The following VWA5B1 variants were observed in gnomAD, a reference collection of about 807,000 sequenced individuals.
VWA5B1 encodes von Willebrand factor A domain containing 5B1, also known as von Willebrand factor A domain-containing protein 5B1.
Under a neutral mutation model 118.2 loss-of-function variants are expected in VWA5B1, and 115 were observed. That is an observed-to-expected ratio of 0.97 (90% confidence interval 0.84 to 1.14). The LOEUF is 1.14. Ranked by LOEUF, VWA5B1 falls within the 50% of genes most tolerant of loss-of-function variation. The pLI is 0.00. For missense variants in VWA5B1, 1,596 were observed against 1,603.8 expected (o/e 1.00, Z 0.08); for synonymous variants, 682 against 658.4 (o/e 1.04, Z -0.55).
intron 11 of VWA5B1, among the ~76,000 whole-genome samples, chr1:20,331,736 G>C (rs2089560876): frequency 6.6e-6 from 1 of 152,056 alleles, no homozygotes; most frequent in Non-Finnish European, 1.5e-5. Context: ...GGCTTCCAGG[G>C]AGAGAGATGG....
intron 12 of VWA5B1, among the ~76,000 whole-genome samples, chr1:20,334,532 C>T (rs953766498): frequency 3.9e-5 from 6 of 152,162 alleles, no homozygotes; most frequent in African/African-American, 7.2e-5. Flanking sequence ...AGAGATAGGC[C>T]GGGCACGATG....
rs2088297636 is a variant in VWA5B1 at position 20,291,359 on chromosome 1, T to TCTCTCTCTCTCTCTC, written c.-27+271_-27+272insCTCTCTCTCTCTCTC. On this transcript the variant is annotated intron_variant, in intron 1 of 21. Transcript: ENST00000289815. ...TCTCTCTCTTTCTTTCTTTCTTTCT[T>TCTCTCTCTCTCTCTC]TCTCTCTCTCTCTCTCTCTCTCTCT... Among the ~76,000 whole-genome samples, 53 of 103,400 alleles carry TCTCTCTCTCTCTCTC rather than the reference T, an allele frequency of 5.1e-4. 1 individual carries two copies. The highest frequency in any genetic ancestry group is 8.6e-4 in the Non-Finnish European group (42 of 48,878). 67.8% of individuals were successfully genotyped at this position (103,400 alleles called of 152,430 possible). A position where few individuals can be genotyped will look rare whatever the true frequency, so the allele number is the denominator to read the frequency against.
chr1:20,310,066 G>A (rs1330863709), intron 1 of VWA5B1, among the ~76,000 whole-genome samples: 1 of 151,940 alleles, frequency 6.6e-6, no homozygotes, highest in Non-Finnish European at 1.5e-5. Flanking sequence ...GACTATTGGG[G>A]TTGGCCCTCA....
chr1:20,333,431 C>T (rs996926343), intron 12 of VWA5B1, among the ~76,000 whole-genome samples: 1 of 152,154 alleles, frequency 6.6e-6, no homozygotes, highest in Non-Finnish European at 1.5e-5. Context: ...GAGCTAAGAT[C>T]GTGCCATTGC....
intron 16 of VWA5B1, among the ~76,000 whole-genome samples, chr1:20,343,852 A>G (rs1557443230): frequency 2.0e-5 from 1 of 50,502 alleles, no homozygotes; most frequent in Non-Finnish European, 3.6e-5. Flanking sequence ...CTGCCCGCCC[A>G]CTCGCCTCTC....
chr1:20,347,751 C>G (rs185293229), intron 17 of VWA5B1, among the ~76,000 whole-genome samples: 2 of 152,192 alleles, frequency 1.3e-5, no homozygotes, highest in East Asian at 3.9e-4. Context: ...ACATGAACCA[C>G]CCTGCCCAGC....
At chr1:20,293,938 T>A (rs1447099568) in intron 1 of VWA5B1, among the ~76,000 whole-genome samples, 1 of 151,972 alleles carries the variant, frequency 6.6e-6, no homozygotes, top group African/African-American at 2.4e-5. Flanking sequence ...GACTGGAGTG[T>A]GAGTGCAGGC....
chr1:20,331,175 C>T (rs188970907), intron 11 of VWA5B1, among the ~76,000 whole-genome samples, 192 bp downstream of exon 11: 36 of 152,270 alleles, frequency 2.4e-4, no homozygotes, highest in Admixed American at 7.2e-4. Context: ...AATGCCAGGA[C>T]GCTAGATCCC....
rs562991755 is a variant in VWA5B1, at chr1:20,355,802, C to T, written c.*1539C>T. On this transcript the variant is annotated 3_prime_UTR_variant, in exon 22 of 22. Transcript: ENST00000289815. Reference sequence around the variant, plus strand: ...CAACATGATATGGTGCCCTGCCCCCCACCCCCACCCCTCCATCTATGCCAC... The same window carrying T: ...CAACATGATATGGTGCCCTGCCCCCTACCCCCACCCCTCCATCTATGCCAC... 6.6e-6 allele frequency among the ~76,000 whole-genome samples: 1 copy of T among 151,384 alleles called. No homozygotes were observed. Among genetic ancestry groups the T allele is most frequent in the African/African-American group, 2.4e-5 (1 of 41,200 alleles).
At chr1:20,320,516 T>C (rs1429647699) in intron 7 of VWA5B1, among the ~76,000 whole-genome samples, 1 of 152,198 alleles carries the variant, frequency 6.6e-6, no homozygotes, top group Non-Finnish European at 1.5e-5. Flanking sequence ...CCCATTGAGC[T>C]CTGAGAACTG....
intron 7 of VWA5B1, among the ~76,000 whole-genome samples, chr1:20,320,429 C>T (rs533273098): frequency 5.3e-5 from 8 of 152,312 alleles, no homozygotes; most frequent in African/African-American, 1.9e-4. Context: ...CAGAGGTGCC[C>T]CTCAGCCAGA....
intron 4 of VWA5B1, among the ~76,000 whole-genome samples, chr1:20,315,166 C>G (rs999150779): frequency 6.6e-6 from 1 of 152,162 alleles, no homozygotes; most frequent in Admixed American, 6.5e-5. Flanking sequence ...GAGAACTGAA[C>G]GATGCGGAGG....
At chr1:20,331,605 G>A (rs1010146540) in intron 11 of VWA5B1, among the ~76,000 whole-genome samples, 3 of 152,150 alleles carry the variant, frequency 2.0e-5, no homozygotes, top group Non-Finnish European at 4.4e-5. Context: ...AAACTGTGAT[G>A]CCCTGGCAGG....
At chr1:20,311,691 G>A (rs1037991233) in intron 2 of VWA5B1, among the ~76,000 whole-genome samples, 1 of 152,130 alleles carries the variant, frequency 6.6e-6, no homozygotes, top group Non-Finnish European at 1.5e-5. Flanking sequence ...CAGTGATGGG[G>A]CCTCATAACC....
At chr1:20,295,873 G>A (rs1407526689) in intron 1 of VWA5B1, among the ~76,000 whole-genome samples, 1 of 152,114 alleles carries the variant, frequency 6.6e-6, no homozygotes, top group Non-Finnish European at 1.5e-5. Flanking sequence ...TAGGTTGTTT[G>A]GTTTGTTTGA....
intron 9 of VWA5B1, among the ~76,000 whole-genome samples, chr1:20,329,784 G>T (rs2089492903): frequency 6.6e-6 from 1 of 152,174 alleles, no homozygotes; most frequent in Non-Finnish European, 1.5e-5. Flanking sequence ...ACAGGGGGCT[G>T]GTGCCAGAGT....
At chr1:20,297,494 T>C (rs1021246610) in intron 1 of VWA5B1, among the ~76,000 whole-genome samples, 2 of 152,194 alleles carry the variant, frequency 1.3e-5, no homozygotes, top group African/African-American at 4.8e-5. Context: ...AGCTGCAGCT[T>C]ACCACGCACC....
At chr1:20,301,170 C>CT (rs2088495157) in intron 1 of VWA5B1, among the ~76,000 whole-genome samples, 1 of 152,230 alleles carries the variant, frequency 6.6e-6, no homozygotes, top group Non-Finnish European at 1.5e-5. Flanking sequence ...GGTCTGAGGG[C>CT]TGTAGGTGGC....
At chr1:20,316,917 G>A (rs973209066) in intron 4 of VWA5B1, among the ~76,000 whole-genome samples, 25 of 152,110 alleles carry the variant, frequency 1.6e-4, no homozygotes, top group Non-Finnish European at 2.9e-5. Flanking sequence ...TAGTGGGAAT[G>A]GAGGCCGAGA....
Sources: allele counts gnomAD v4.1 joint callset (sites outside exome capture counted in the v4.1 genomes callset), GRCh38; gene constraint gnomAD v4.1.1; transcripts MANE v1.5; gene names NCBI Gene and HGNC (gene_info 2026-07-23, HGNC 2026-07-21).